The following ADAMTS3 variants were observed in gnomAD, a reference collection of about 807,000 sequenced individuals.
ADAMTS3 encodes the protein ADAM metallopeptidase with thrombospondin type 1 motif 3.
A neutral mutation model predicts 129.0 loss-of-function variants in ADAMTS3; 73 were observed. That is an observed-to-expected ratio of 0.57 (90% CI 0.47 to 0.69). The LOEUF is 0.69. ADAMTS3 is among the 30% of genes least tolerant of loss of function. ADAMTS3 has a pLI of 0.00. For missense variants in ADAMTS3, 1,457 were observed against 1,514.5 expected (o/e 0.96, Z 0.63); for synonymous variants, 477 against 510.8 (o/e 0.93, Z 0.89).
intron 3 of ADAMTS3, among the ~76,000 whole-genome samples, chr4:72,443,748 T>A (rs1261819921): frequency 6.6e-6 from 1 of 151,588 alleles, no homozygotes; most frequent in Admixed American, 6.6e-5. Flanking sequence ...GAACCACTCC[T>A]TTTTCATGTT....
chr4:72,353,937 C>T (rs1466552540), intron 4 of ADAMTS3, among the ~76,000 whole-genome samples: 1 of 151,738 alleles, frequency 6.6e-6, no homozygotes, highest in Non-Finnish European at 1.5e-5. Context: ...TTTTTTTCTC[C>T]TACATCCCTC....
In ADAMTS3 at chr4:72,309,379, T is replaced by C. The variant is rs1719170414; in HGVS notation, c.2179+18A>G. ...ATCACAGAGAAGAATACTAAATCCA[T>C]GAGAGACCTCATCTTACCAAGCTTC... is the stretch of plus-strand genomic sequence containing the variant. On this transcript the variant is annotated intron_variant, in intron 15 of 21. Coordinates refer to ENST00000286657, the MANE Select transcript of ADAMTS3 (RefSeq NM_014243.3). 1.2e-6 allele frequency: 2 copies of C among 1,610,136 alleles called. No homozygotes were observed. Among genetic ancestry groups the C allele is most frequent in the Admixed American group, 1.7e-5 (1 of 59,828 alleles).
intron 4 of ADAMTS3, among the ~76,000 whole-genome samples, chr4:72,371,109 G>GGA (rs1720993884): frequency 6.6e-6 from 1 of 151,896 alleles, no homozygotes; most frequent in African/African-American, 2.4e-5. Flanking sequence ...AGGAGCTAGG[G>GGA]GAGACATCAG....
At chr4:72,494,176 T>A (rs1719817601) in intron 3 of ADAMTS3, among the ~76,000 whole-genome samples, 1 of 152,172 alleles carries the variant, frequency 6.6e-6, no homozygotes, top group South Asian at 2.1e-4. Flanking sequence ...ATCTCCTTTA[T>A]CTGTCTCTTC....
rs961970240 is a variant in ADAMTS3, at chr4:72,402,681, G to A, written c.661+12134C>T. ...TTCATTATTTCTTTAGTATTATAAA[G>A]ACCCAGAATGAAGGTCTAATCTCAA... On this transcript the variant is annotated intron_variant, in intron 4 of 21. Transcript: ENST00000286657. 4.6e-5 allele frequency among the ~76,000 whole-genome samples: 7 copies of A among 152,036 alleles called. No homozygotes were observed. In the East Asian group the frequency reaches 1.4e-3, roughly 29 times the overall value.
At chr4:72,306,602 C>A (rs1384689119) in intron 15 of ADAMTS3, among the ~76,000 whole-genome samples, 1 of 151,676 alleles carries the variant, frequency 6.6e-6, no homozygotes, top group Non-Finnish European at 1.5e-5. Flanking sequence ...AAAATCAGTG[C>A]TTTCATTTTT....
intron 19 of ADAMTS3, among the ~76,000 whole-genome samples, chr4:72,291,835 C>T (rs987985557): frequency 6.6e-6 from 1 of 152,160 alleles, no homozygotes; most frequent in African/African-American, 2.4e-5. Flanking sequence ...CACTGACTTC[C>T]ACAATGGTTG....
chr4:72,538,538 C>T (rs1274472897), intron 3 of ADAMTS3, among the ~76,000 whole-genome samples: 1 of 151,864 alleles, frequency 6.6e-6, no homozygotes, highest in African/African-American at 2.4e-5. Context: ...CAAAAAATCC[C>T]TTCAAAATTG....
chr4:72,396,113 T>C (rs1368418301), intron 4 of ADAMTS3, among the ~76,000 whole-genome samples: 1 of 152,096 alleles, frequency 6.6e-6, no homozygotes, highest in Non-Finnish European at 1.5e-5. Context: ...GTTGGTTTCA[T>C]TTACTAAAAC....
intron 4 of ADAMTS3, among the ~76,000 whole-genome samples, chr4:72,376,142 G>A (rs1400910907): frequency 1.3e-5 from 2 of 152,112 alleles, no homozygotes; most frequent in Non-Finnish European, 2.9e-5. Context: ...TAAGTAAAAT[G>A]TCAAAGAATA....
chr4:72,466,049 T>A (rs1718909204), intron 3 of ADAMTS3, among the ~76,000 whole-genome samples: 1 of 152,062 alleles, frequency 6.6e-6, no homozygotes, highest in Admixed American at 6.6e-5. Context: ...GCATGAGAAC[T>A]GACTAATACA....
chr4:72,412,035 T>C (rs1267731618), intron 4 of ADAMTS3, among the ~76,000 whole-genome samples: 1 of 152,108 alleles, frequency 6.6e-6, no homozygotes, highest in Non-Finnish European at 1.5e-5. Flanking sequence ...TCAAGAAATG[T>C]AGCTAGCCAA....
intron 5 of ADAMTS3, among the ~76,000 whole-genome samples, chr4:72,336,951 A>T (rs1720007260): frequency 6.6e-6 from 1 of 151,924 alleles, no homozygotes; most frequent in African/African-American, 2.4e-5. Flanking sequence ...GTTGAGAACC[A>T]CTGATTTAGA....
At chr4:72,391,047 A>C (rs972205292) in intron 4 of ADAMTS3, among the ~76,000 whole-genome samples, 3 of 152,056 alleles carry the variant, frequency 2.0e-5, no homozygotes, top group Admixed American at 1.3e-4. Flanking sequence ...TGATCTTCCC[A>C]CTGCAGTTTG....
At chr4:72,309,274 A>G in intron 15 of ADAMTS3, 123 bp downstream of exon 15, 1 of 991,472 alleles carries the variant, frequency 1.0e-6, no homozygotes. Flanking sequence ...TCTGAATAAC[A>G]ATAAATCAGC....
At chr4:72,477,427 G>A (rs922450677) in intron 3 of ADAMTS3, among the ~76,000 whole-genome samples, 8 of 152,034 alleles carry the variant, frequency 5.3e-5, no homozygotes, top group Non-Finnish European at 8.8e-5. Context: ...TGAACAACCT[G>A]CTCCTGAATG....
Position 72,290,980 on chromosome 4 carries a change from G to T in ADAMTS3, c.2806C>A (p.Pro936Thr). Residue 936 changes from proline (P) to threonine (T), a missense_variant, in exon 20 of 22, where the codon CCA becomes ACA. Physicochemically the swap from Pro to Thr is conservative, Grantham distance 38. Transcript: ENST00000286657. ...GAGCGGTTGGTGCCATCAAGGAGTG[G>T]CTGAAGGCAGCGTACAGTGCGAAGC... ...YQLRTVRCLQPLLDGTNRSVH... is the reference protein window; with the variant it reads ...YQLRTVRCLQTLLDGTNRSVH... 2 of 1,614,032 alleles carry T rather than the reference G, an allele frequency of 1.2e-6. No individual in the cohort carries two copies. The highest frequency in any genetic ancestry group is 1.7e-6 in the Non-Finnish European group (2 of 1,179,968).
intron 3 of ADAMTS3, among the ~76,000 whole-genome samples, chr4:72,501,177 G>A (rs935004826): frequency 1.3e-5 from 2 of 151,988 alleles, no homozygotes; most frequent in African/African-American, 4.8e-5. Flanking sequence ...GAGAGGACTC[G>A]CAATGTGTCT....
chr4:72,561,206 G>A (rs747436847), intron 2 of ADAMTS3, among the ~76,000 whole-genome samples: 7 of 152,038 alleles, frequency 4.6e-5, no homozygotes, highest in South Asian at 2.1e-4. Flanking sequence ...AAAATTAGCC[G>A]GCGTGGTAGT....
Sources: allele counts gnomAD v4.1 joint callset (sites outside exome capture counted in the v4.1 genomes callset), GRCh38; gene constraint gnomAD v4.1.1; transcripts MANE v1.5; gene names NCBI Gene and HGNC (gene_info 2026-07-23, HGNC 2026-07-21).